DHCR24: variants seen among roughly 807,000 people sequenced by gnomAD.
DHCR24 encodes delta(24)-sterol reductase.
Under a neutral mutation model 61.2 loss-of-function variants are expected in DHCR24, and 28 were observed. The ratio of observed to expected loss-of-function variants is 0.46; its 90% CI spans 0.34 to 0.63. The LOEUF (loss-of-function observed/expected upper bound fraction) is 0.63, where lower values mean the gene tolerates loss of function less well. Ranked by LOEUF, DHCR24 falls within the 20% of genes least tolerant of loss-of-function variation. DHCR24 has a pLI of 0.01. For missense variants in DHCR24, 538 were observed against 679.1 expected (o/e 0.79, Z 2.31); for synonymous variants, 261 against 275.9 (o/e 0.95, Z 0.54).
intron 2 of DHCR24, among the ~76,000 whole-genome samples, chr1:54,877,610 T>A (rs1341898990): frequency 6.6e-6 from 1 of 151,652 alleles, no homozygotes; most frequent in East Asian, 2.0e-4. Flanking sequence ...AAAATTATTT[T>A]AAAAAAAGGT....
intron 6 of DHCR24, among the ~76,000 whole-genome samples, chr1:54,862,683 TG>T (rs1646945038): frequency 6.6e-6 from 1 of 152,194 alleles, no homozygotes. Flanking sequence ...ACTGAACTCC[TG>T]AAGTCCCGAC....
chr1:54,869,738 CA>C (rs1467775623), intron 5 of DHCR24, among the ~76,000 whole-genome samples: 1 of 151,852 alleles, frequency 6.6e-6, no homozygotes, highest in Non-Finnish European at 1.5e-5. Flanking sequence ...CCCATCCCTA[CA>C]AAAAAATTTT....
chr1:54,869,588 T>TACACACACAC lies in DHCR24; in HGVS notation c.876+1752_876+1761dup, dbSNP rs35058139. Among the ~76,000 whole-genome samples, 318 of 150,462 alleles carry TACACACACAC rather than the reference T, an allele frequency of 2.1e-3. 3 individuals carry two copies. The highest frequency in any genetic ancestry group is 7.4e-3 in the African/African-American group (306 of 41,078). The stretch of plus-strand genomic sequence containing the variant: ...AAATGAAGACATGCACACATACATA[T>TACACACACAC]ACACACACACACACACAGAGAAATA... On this transcript the variant is annotated intron_variant, in intron 5 of 8. Transcript: ENST00000371269.
In DHCR24 at chr1:54,887,186, G is replaced by A. The variant is rs1647106279; in HGVS notation, c.-67C>T. On this transcript the variant is annotated 5_prime_UTR_variant, in exon 1 of 9. Coordinates refer to ENST00000371269, the MANE Select transcript of DHCR24 (RefSeq NM_014762.4). ...TGTCACTGCCGCCAGCTCCGCGCCT[G>A]GCCCGCTCTGCGCCTGTAGCCCACA... is the stretch of plus-strand genomic sequence containing the variant. The A allele has an allele frequency of 3.6e-6, 5 of 1,381,892 alleles. No individual in the cohort carries two copies. The highest frequency in any genetic ancestry group is 4.9e-6 in the Non-Finnish European group (5 of 1,016,236). The allele number at this position is 1,381,892 out of a possible 1,614,324, so 85.6% of individuals were successfully genotyped here.
intron 2 of DHCR24, among the ~76,000 whole-genome samples, chr1:54,880,094 T>C (rs1647056525): frequency 6.6e-6 from 1 of 152,134 alleles, no homozygotes; most frequent in South Asian, 2.1e-4. Flanking sequence ...TAAAATTCAA[T>C]AGCCTTTAGC....
At chr1:54,871,955 G>A (rs1647002643) in intron 4 of DHCR24, among the ~76,000 whole-genome samples, 1 of 152,162 alleles carries the variant, frequency 6.6e-6, no homozygotes, top group Non-Finnish European at 1.5e-5. Flanking sequence ...ATTGCACAAG[G>A]GCAGGAGTCC....
Position 54,865,376 on chromosome 1 carries a change from C to G in DHCR24, c.947G>C (p.Arg316Pro). The G allele has an allele frequency of 6.2e-7, 1 of 1,614,176 alleles. No individual in the cohort carries two copies. Among genetic ancestry groups the G allele is most frequent in the African/African-American group, 1.3e-5 (1 of 75,036 alleles). ...CAAGGGAATGTACTCCAGGCCCTCT[C>G]GGTTTGTCTTCAGATAGTTCTCCAC... ...KHVENYLKTN[R>P]EGLEYIPLRH... Residue 316 changes from arginine to proline, a missense_variant, in exon 6 of 9, where the codon CGA becomes CCA. By Grantham distance (103) the Arg-to-Pro change is moderately radical. Transcript: ENST00000371269.
rs1294326327 is a variant in DHCR24, at chr1:54,849,795, C to T, written c.*2438G>A. The T allele has an allele frequency of 6.6e-6, 1 of 152,646 alleles. No individual in the cohort carries two copies. Among genetic ancestry groups the T allele is most frequent in the Admixed American group, 6.5e-5 (1 of 15,276 alleles). 9.5% of individuals were successfully genotyped at this position (152,646 alleles called of 1,614,324 possible). On this transcript the variant is annotated 3_prime_UTR_variant, in exon 9 of 9. Coordinates refer to ENST00000371269, the MANE Select transcript of DHCR24 (RefSeq NM_014762.4). ...CAAAGAAGAAAATAAAAATCACACA[C>T]CATACACTGCCACACCCATCTCCAC...
chr1:54,874,339 T>C (rs568222077), intron 4 of DHCR24, among the ~76,000 whole-genome samples: 40 of 152,340 alleles, frequency 2.6e-4, no homozygotes, highest in Non-Finnish European at 5.1e-4. Flanking sequence ...GTACGCTACA[T>C]AGGTGTACCA....
chr1:54,866,701 C>T (rs1394528877), intron 5 of DHCR24, among the ~76,000 whole-genome samples: 1 of 152,186 alleles, frequency 6.6e-6, no homozygotes, highest in Non-Finnish European at 1.5e-5. Context: ...TGCCGTGGAT[C>T]TCTGGCCTCC....
At position 54,871,453 on chromosome 1, in the gene DHCR24, T is replaced by C; in HGVS notation, c.773A>G (p.Glu258Gly). The change falls in exon 5 of 9, where the codon GAG (glutamate) becomes GGG (glycine). Residue 258 changes from glutamate to glycine, a missense_variant. Coordinates refer to ENST00000371269, the MANE Select transcript of DHCR24 (RefSeq NM_014762.4). The stretch of plus-strand genomic sequence containing the variant: ...GAAGTGGTTCTCCTGCCGCTGGGAC[T>C]CGTGGGTGAACTTGGCACAGATAGC... ...LEAICAKFTH[E>G]SQRQENHFVE... 1 of 1,614,186 alleles carries C rather than the reference T, an allele frequency of 6.2e-7. No individual in the cohort carries two copies. The highest frequency in any genetic ancestry group is 8.5e-7 in the Non-Finnish European group (1 of 1,180,036).
At chr1:54,855,074 T>C (rs1490749126) in intron 6 of DHCR24, among the ~76,000 whole-genome samples, 1 of 152,086 alleles carries the variant, frequency 6.6e-6, no homozygotes, top group Non-Finnish European at 1.5e-5. Flanking sequence ...CTGGGAGCCC[T>C]TGAAGCCAAG....
At chr1:54,885,641 C>A (rs1464927497) in intron 1 of DHCR24, among the ~76,000 whole-genome samples, 1 of 149,468 alleles carries the variant, frequency 6.7e-6, no homozygotes, top group East Asian at 2.0e-4. Flanking sequence ...GGGGTAGAGG[C>A]TAGTCCAGCT....
chr1:54,856,526 G>A (rs992113704), intron 6 of DHCR24, among the ~76,000 whole-genome samples: 5 of 152,022 alleles, frequency 3.3e-5, no homozygotes, highest in South Asian at 2.1e-4. Context: ...CGTTTGAAGC[G>A]GAGAGGCGGA....
chr1:54,869,803 G>A (rs57954698), intron 5 of DHCR24, among the ~76,000 whole-genome samples: 62 of 152,242 alleles, frequency 4.1e-4, no homozygotes, highest in African/African-American at 1.5e-3. Flanking sequence ...TGTAATCCCA[G>A]CACTTGGCTT....
At chr1:54,879,288 A>G (rs910659438) in intron 2 of DHCR24, among the ~76,000 whole-genome samples, 6 of 140,056 alleles carry the variant, frequency 4.3e-5, no homozygotes, top group African/African-American at 1.6e-4. Flanking sequence ...CACTGCACCC[A>G]GTCCAACCTG....
chr1:54,886,008 T>C (rs1382830340), intron 1 of DHCR24, among the ~76,000 whole-genome samples: 1 of 152,160 alleles, frequency 6.6e-6, no homozygotes, highest in Non-Finnish European at 1.5e-5. Flanking sequence ...TCCATCTTCA[T>C]GCTCTTGCCT....
At chr1:54,881,319 G>A (rs1201227941) in intron 2 of DHCR24, among the ~76,000 whole-genome samples, 1 of 152,056 alleles carries the variant, frequency 6.6e-6, no homozygotes, top group African/African-American at 2.4e-5. Flanking sequence ...CCATTAAAAA[G>A]TGAATATAAA....
Position 54,887,022 on chromosome 1 carries a change from A to T in DHCR24, c.98T>A (p.Val33Glu). 1 of 1,613,336 alleles carries T rather than the reference A, an allele frequency of 6.2e-7. No homozygotes were observed. Among genetic ancestry groups the T allele is most frequent in the Non-Finnish European group, 8.5e-7 (1 of 1,179,658 alleles). The part of the protein sequence containing the change: ...LEFVLIHQRW[V>E]FVCLFLLPLS... ...CGGCAGGAGGAAGAGGCACACGAAC[A>T]CCCAGCGCTGGTGGATGAGCACGAA... Residue 33 changes from valine (V) to glutamate (E), a missense_variant, in exon 1 of 9, where the codon GTG becomes GAG. Val to Glu is a moderately radical substitution (Grantham distance 121). Coordinates refer to ENST00000371269, the MANE Select transcript of DHCR24 (RefSeq NM_014762.4).
Sources: allele counts gnomAD v4.1 joint callset (sites outside exome capture counted in the v4.1 genomes callset), GRCh38; gene constraint gnomAD v4.1.1; transcripts MANE v1.5; gene names NCBI Gene and HGNC (gene_info 2026-07-23, HGNC 2026-07-21).